The following APLNR variants were observed in gnomAD, a reference collection of about 807,000 sequenced individuals.
The protein encoded by APLNR is APJ (apelin) receptor.
Under a neutral mutation model 23.4 loss-of-function variants are expected in APLNR, and 13 were observed. The ratio of observed to expected loss-of-function variants is 0.56; its 90% CI spans 0.36 to 0.88. APLNR has a LOEUF of 0.88. Ranked by LOEUF, APLNR falls within the 40% of genes least tolerant of loss-of-function variation. The pLI is 0.01. For missense variants in APLNR, 480 were observed against 517.1 expected, an observed-to-expected ratio of 0.93 and a Z score of 0.70; for synonymous variants, 234 against 211.9, an observed-to-expected ratio of 1.10 and a Z score of -0.91.
chr11:57,236,045 G>A lies in APLNR; in HGVS notation c.960C>T (p.Cys320=). 1.2e-6 allele frequency: 2 copies of A among 1,614,268 alleles called. No homozygotes were observed. The highest frequency in any genetic ancestry group is 2.2e-5 in the East Asian group (1 of 44,880). ...AFFDPRFRQA[C]TSMLCCGQSR... is the part of the protein sequence containing the mutation. ...TCTGGCCACAGCAGAGCATGGAGGT[G>A]CAGGCCTGGCGGAAGCGGGGGTCGA... The change falls in exon 1 of 1, where the codon TGC becomes TGT. Residue 320 remains cysteine, a synonymous_variant. Coordinates refer to ENST00000606794, the MANE Select transcript of APLNR (RefSeq NM_005161.6).
Position 57,234,580 on chromosome 11 carries a change from A to G in APLNR, c.*1282T>C, listed in dbSNP as rs1854980190. 6.6e-6 allele frequency: 1 copy of G among 151,930 alleles called. No homozygotes were observed. Among genetic ancestry groups the G allele is most frequent in the Non-Finnish European group, 1.5e-5 (1 of 67,998 alleles). The allele number at this position is 151,930 out of a possible 1,614,324, so 9.4% of individuals were successfully genotyped here. A position where few individuals can be genotyped will look rare whatever the true frequency, so the allele number is the denominator to read the frequency against. On this transcript the variant is annotated 3_prime_UTR_variant, in exon 1 of 1. Coordinates refer to ENST00000606794, the MANE Select transcript of APLNR (RefSeq NM_005161.6). ...GGGGGTGGACTCATTTTTATTCTACATTTTTCATTGCCTCAGTGTGTCCCT... is the reference window on the plus strand; with the variant it reads ...GGGGGTGGACTCATTTTTATTCTACGTTTTTCATTGCCTCAGTGTGTCCCT...
Position 57,237,055 on chromosome 11 carries a change from G to A in APLNR, c.-51C>T, listed in dbSNP as rs773838045. 4.0e-6 allele frequency: 6 copies of A among 1,513,724 alleles called. No individual in the cohort carries two copies. The highest frequency in any genetic ancestry group is 3.5e-6 in the Non-Finnish European group (4 of 1,129,344). The allele number at this position is 1,513,724 out of a possible 1,614,324, so 93.8% of individuals were successfully genotyped here. On this transcript the variant is annotated 5_prime_UTR_variant, in exon 1 of 1. It adds an upstream start codon to the 5' untranslated region. Transcript: ENST00000606794. ...AGAGGGTCCCAGGGACACCAGCTCCGTGGCTCTGTCACCCACTCTGCAAGC... is the reference window on the plus strand; with the variant it reads ...AGAGGGTCCCAGGGACACCAGCTCCATGGCTCTGTCACCCACTCTGCAAGC...
At position 57,236,876 on chromosome 11, in the gene APLNR, G is replaced by C. The variant is rs775709655; in HGVS notation, c.129C>G (p.Thr43=). The C allele has an allele frequency of 6.2e-7, 1 of 1,614,190 alleles. No homozygotes were observed. The highest frequency in any genetic ancestry group is 1.1e-5 in the South Asian group (1 of 91,084). Residue 43 remains threonine (T), a synonymous_variant, in exon 1 of 1, where the codon ACC becomes ACG. Coordinates refer to ENST00000606794, the MANE Select transcript of APLNR (RefSeq NM_005161.6). ...TCCAGAGCACCAGACCGTTGCCCGT[G>C]GTGCCCAGGAGGAAGACCAACATGT... ...AIYMLVFLLG[T]TGNGLVLWTV...
rs1855029964 is a variant in APLNR at position 57,237,224 on chromosome 11, T to G, written c.-220A>C. The G allele has an allele frequency of 1.6e-5, 9 of 551,608 alleles. No homozygotes were observed. In the South Asian group the frequency reaches 2.4e-4, roughly 14 times the overall value. The allele number at this position is 551,608 out of a possible 1,614,324, so 34.2% of individuals were successfully genotyped here. The stretch of plus-strand genomic sequence containing the variant: ...CCTGCAGAATTTCCTCCACCCTCTC[T>G]TGCCTTACCCCCGTCTCAGTTAAGA... On this transcript the variant is annotated 5_prime_UTR_variant, in exon 1 of 1. Transcript: ENST00000606794.
chr11:57,233,684 G>A lies in APLNR; in HGVS notation c.*2178C>T, dbSNP rs1854966697. 6.6e-6 allele frequency: 1 copy of A among 152,390 alleles called. No individual in the cohort carries two copies. Among genetic ancestry groups the A allele is most frequent in the Non-Finnish European group, 1.5e-5 (1 of 68,206 alleles). 9.4% of individuals were successfully genotyped at this position (152,390 alleles called of 1,614,324 possible). On this transcript the variant is annotated 3_prime_UTR_variant, in exon 1 of 1. Coordinates refer to ENST00000606794, the MANE Select transcript of APLNR (RefSeq NM_005161.6). ...AAGAAGGCACTGGGGGAGGTAAGGG[G>A]GTATCACAGCAGGCAGCCTCCTCTG...
rs147862659 is a variant in APLNR, at chr11:57,236,465, C to A, written c.540G>T (p.Gln180His). 1.9e-6 allele frequency: 3 copies of A among 1,614,134 alleles called. No individual in the cohort carries two copies. The highest frequency in any genetic ancestry group is 2.7e-5 in the African/African-American group (2 of 74,954). The change falls in exon 1 of 1, where the codon CAG becomes CAT. Residue 180 changes from glutamine to histidine, a missense_variant. By Grantham distance (24) the Gln-to-His change is conservative. Transcript: ENST00000606794. Reference sequence around the variant, plus strand: ...CCACCATGGAGTAGTCCATGTAGCACTGCACCTTAGTGGTGTTCTCCAAGT... The same window carrying A: ...CCACCATGGAGTAGTCCATGTAGCAATGCACCTTAGTGGTGTTCTCCAAGT... ...TGDLENTTKV[Q>H]CYMDYSMVAT...
In APLNR at chr11:57,236,647, G is replaced by T; in HGVS notation, c.358C>A (p.Leu120Ile). 8 of 1,608,210 alleles carry T rather than the reference G, an allele frequency of 5.0e-6. No individual in the cohort carries two copies. Among genetic ancestry groups the T allele is most frequent in the Non-Finnish European group, 6.8e-6 (8 of 1,178,718 alleles). Residue 120 changes from leucine (L) to isoleucine (I), a missense_variant, in exon 1 of 1, where the codon CTC (leucine) becomes ATC (isoleucine). Leu to Ile is a conservative substitution (Grantham distance 5). Transcript: ENST00000606794. The part of the protein sequence containing the change: ...FVNMYASVFC[L>I]TGLSFDRYLA... The stretch of plus-strand genomic sequence containing the variant: ...TAGCGGTCGAAGCTGAGGCCGGTGA[G>T]GCAGAAGACGCTGGCGTACATGTTG...
Position 57,234,437 on chromosome 11 carries a change from C to T in APLNR, c.*1425G>A, listed in dbSNP as rs2282624. The T allele has an allele frequency of 0.61, 92,869 of 152,092 alleles. 28,599 individuals are homozygous for T. Among genetic ancestry groups the T allele is most frequent in the Non-Finnish European group, 0.67 (45,865 of 67,994 alleles). The allele number at this position is 152,092 out of a possible 1,614,324, so 9.4% of individuals were successfully genotyped here. On this transcript the variant is annotated 3_prime_UTR_variant, in exon 1 of 1. Coordinates refer to ENST00000606794, the MANE Select transcript of APLNR (RefSeq NM_005161.6). The stretch of plus-strand genomic sequence containing the variant: ...GGAGCAGGAACCCAGCTCAGTAGGA[C>T]GCCCCCAAGCCTTGGCGCCAGCTGC...
rs77731345 is a variant in APLNR, at chr11:57,236,642, G to T, written c.363C>A (p.Thr121=). ...CCAGGTAGCGGTCGAAGCTGAGGCC[G>T]GTGAGGCAGAAGACGCTGGCGTACA... is the stretch of plus-strand genomic sequence containing the variant. ...VNMYASVFCL[T]GLSFDRYLAI... Residue 121 remains threonine, a synonymous_variant, in exon 1 of 1, where the codon ACC becomes ACA. Coordinates refer to ENST00000606794, the MANE Select transcript of APLNR (RefSeq NM_005161.6). 3 of 1,607,958 alleles carry T rather than the reference G, an allele frequency of 1.9e-6. No individual in the cohort carries two copies. The highest frequency in any genetic ancestry group is 1.3e-5 in the African/African-American group (1 of 74,954).
chr11:57,236,759 C>T lies in APLNR; in HGVS notation c.246G>A (p.Leu82=), dbSNP rs771050941. 9 of 1,614,036 alleles carry T rather than the reference C, an allele frequency of 5.6e-6. No individual in the cohort carries two copies. In the East Asian group the frequency reaches 2.0e-4, roughly 36 times the overall value. ...GGTACGTGTAGGTAGCCCACAGGGG[C>T]AGCGTCACCACGAAGGTCAGGTCAG... is the stretch of plus-strand genomic sequence containing the variant. ...AVADLTFVVT[L]PLWATYTYRD... Residue 82 remains leucine, a synonymous_variant, in exon 1 of 1, where the codon CTG becomes CTA. Transcript: ENST00000606794.
rs377391271 is a variant in APLNR at position 57,236,028 on chromosome 11, C to T, written c.977G>A (p.Cys326Tyr). 9.3e-6 allele frequency: 15 copies of T among 1,614,132 alleles called. No homozygotes were observed. The highest frequency in any genetic ancestry group is 1.3e-5 in the African/African-American group (1 of 74,948). ...FRQACTSMLC[C>Y]GQSRCAGTSH... ...GGTGCCTGCGCACCTGCTCTGGCCA[C>T]AGCAGAGCATGGAGGTGCAGGCCTG... The change falls in exon 1 of 1, where the codon TGT becomes TAT. Residue 326 changes from cysteine to tyrosine, a missense_variant. By Grantham distance (194) the Cys-to-Tyr change is radical. Transcript: ENST00000606794.
In APLNR at chr11:57,235,682, C is replaced by T; in HGVS notation, c.*180G>A. 1 of 731,146 alleles carries T rather than the reference C, an allele frequency of 1.4e-6. No homozygotes were observed. The highest frequency in any genetic ancestry group is 2.2e-6 in the Non-Finnish European group (1 of 463,346). 45.3% of individuals were successfully genotyped at this position (731,146 alleles called of 1,614,324 possible). A position where few individuals can be genotyped will look rare whatever the true frequency, so the allele number is the denominator to read the frequency against. On this transcript the variant is annotated 3_prime_UTR_variant, in exon 1 of 1. Coordinates refer to ENST00000606794, the MANE Select transcript of APLNR (RefSeq NM_005161.6). Reference sequence around the variant, plus strand: ...AGGTCTGTAGAGCCCAGTCTCTTTCCCCTAAACCACAAACCTCTGAGAAAG... The same window carrying T: ...AGGTCTGTAGAGCCCAGTCTCTTTCTCCTAAACCACAAACCTCTGAGAAAG...
rs114855852 is a variant in APLNR, at chr11:57,235,436, G to A, written c.*426C>T. ...CTGTAGGAGGGGATTGGTGCCAGAA[G>A]GCAGGGATAAGGAGCGGCAGCTGCA... On this transcript the variant is annotated 3_prime_UTR_variant, in exon 1 of 1. Transcript: ENST00000606794. 1,653 of 161,454 alleles carry A rather than the reference G, an allele frequency of 0.01. 35 individuals carry two copies. The highest frequency in any genetic ancestry group is 0.038 in the African/African-American group (1,567 of 41,658). 10.0% of individuals were successfully genotyped at this position (161,454 alleles called of 1,614,324 possible).
Position 57,235,916 on chromosome 11 carries a change from T to C in APLNR, c.1089A>G (p.Glu363=). Reference sequence around the variant, plus strand: ...AGGGGATGGATTTCTCGTGCATCTGTTCTCCACCCTTGCCCATGTTGGGGC... The same window carrying C: ...AGGGGATGGATTTCTCGTGCATCTGCTCTCCACCCTTGCCCATGTTGGGGC... ...GPGPNMGKGG[E]QMHEKSIPYS... Residue 363 remains glutamate (E), a synonymous_variant, in exon 1 of 1, where the codon GAA becomes GAG. Coordinates refer to ENST00000606794, the MANE Select transcript of APLNR (RefSeq NM_005161.6). 2 of 1,614,106 alleles carry C rather than the reference T, an allele frequency of 1.2e-6. No individual in the cohort carries two copies. The highest frequency in any genetic ancestry group is 4.5e-5 in the East Asian group (2 of 44,878).
rs919946688 is a variant in APLNR, at chr11:57,235,097, A to C, written c.*765T>G. ...GGTCTGCGGACAATTTGGAGAAAGC[A>C]TATCTAGTCAGTGTCATGGTGCCAT... is the stretch of plus-strand genomic sequence containing the variant. On this transcript the variant is annotated 3_prime_UTR_variant, in exon 1 of 1. Coordinates refer to ENST00000606794, the MANE Select transcript of APLNR (RefSeq NM_005161.6). 2 of 152,260 alleles carry C rather than the reference A, an allele frequency of 1.3e-5. No homozygotes were observed. The highest frequency in any genetic ancestry group is 6.5e-5 in the Admixed American group (1 of 15,284). 9.4% of individuals were successfully genotyped at this position (152,260 alleles called of 1,614,324 possible).
chr11:57,233,786 T>C lies in APLNR; in HGVS notation c.*2076A>G, dbSNP rs1433600805. The C allele has an allele frequency of 6.6e-6, 1 of 152,232 alleles. No individual in the cohort carries two copies. Among genetic ancestry groups the C allele is most frequent in the Non-Finnish European group, 1.5e-5 (1 of 68,094 alleles). The allele number at this position is 152,232 out of a possible 1,614,324, so 9.4% of individuals were successfully genotyped here. Reference sequence around the variant, plus strand: ...CCCACGGCGGCCTCAGAGGGACAATTTCTTCCCTTCTAGAAGCCTCTTCCA... The same window carrying C: ...CCCACGGCGGCCTCAGAGGGACAATCTCTTCCCTTCTAGAAGCCTCTTCCA... On this transcript the variant is annotated 3_prime_UTR_variant, in exon 1 of 1. Transcript: ENST00000606794.
In APLNR at chr11:57,236,262, C is replaced by G; in HGVS notation, c.743G>C (p.Ser248Thr). The G allele has an allele frequency of 1.2e-6, 2 of 1,614,064 alleles. No individual in the cohort carries two copies. Among genetic ancestry groups the G allele is most frequent in the Non-Finnish European group, 1.7e-6 (2 of 1,179,972 alleles). ...EGLRKRRRLLSIIVVLVVTFA... is the reference protein window; with the variant it reads ...EGLRKRRRLLTIIVVLVVTFA... ...GGTCACCACCAGCACCACGATGATG[C>G]TGAGCAGCCGGCGCCGCTTCCGCAG... The change falls in exon 1 of 1, where the codon AGC (serine) becomes ACC (threonine). Residue 248 changes from serine to threonine, a missense_variant. Physicochemically the swap from Ser to Thr is moderately conservative, Grantham distance 58. Transcript: ENST00000606794.
chr11:57,235,587 A>G lies in APLNR; in HGVS notation c.*275T>C. ...CAGGCTTCAACATTTTAGGATCAAT[A>G]TGACTTTCCCCCATTTCATACCAAT... On this transcript the variant is annotated 3_prime_UTR_variant, in exon 1 of 1. Coordinates refer to ENST00000606794, the MANE Select transcript of APLNR (RefSeq NM_005161.6). 2.7e-6 allele frequency: 1 copy of G among 372,848 alleles called. No homozygotes were observed. The highest frequency in any genetic ancestry group is 4.8e-6 in the Non-Finnish European group (1 of 209,396). 23.1% of individuals were successfully genotyped at this position (372,848 alleles called of 1,614,324 possible).
chr11:57,236,490 TC>T lies in APLNR; in HGVS notation c.514del (p.Asp172ThrfsTer20). ...MPVMVLRTTGDLENTTKVQCY... is the reference protein window; with the variant it reads ...MPVMVLRTTGXLENTTKVQCY... The stretch of plus-strand genomic sequence containing the variant: ...CTGCACCTTAGTGGTGTTCTCCAAG[TC>T]CCCGGTGGTGCGTAACACCATGACA... On this transcript the variant is annotated frameshift_variant, in exon 1 of 1. Coordinates refer to ENST00000606794, the MANE Select transcript of APLNR (RefSeq NM_005161.6). LOFTEE classifies it high-confidence loss of function. 1 of 1,614,094 alleles carries T rather than the reference TC, an allele frequency of 6.2e-7. No individual in the cohort carries two copies. The highest frequency in any genetic ancestry group is 8.5e-7 in the Non-Finnish European group (1 of 1,179,998).
Sources: gnomAD v4.1 joint callset for allele counts on GRCh38, gnomAD v4.1.1 for gene constraint, MANE v1.5 for transcripts, NCBI Gene and HGNC (gene_info 2026-07-23, HGNC 2026-07-21) for gene names.